Variants in SMIM35 observed in about 807,000 individuals in gnomAD.
SMIM35 encodes the protein TMPRSS4 antisense RNA 1 (non-protein coding).
At position 118,011,507 on chromosome 11, in the gene SMIM35, C is replaced by A. The variant is rs180991463; in HGVS notation, c.*33+2241G>T. Among the ~76,000 whole-genome samples the A allele has an allele frequency of 3.3e-5, 5 of 152,244 alleles. No homozygotes were observed. In the East Asian group the frequency reaches 9.7e-4, roughly 29 times the overall value. On this transcript the variant is annotated intron_variant, in intron 4 of 4. Transcript: ENST00000689828. ...AGGAGTTCGGGACCAGCCTGGCCAA[C>A]ATAGTGAAACCCCATCTGTACTAAA...
chr11:118,013,395 A>G (rs186412816), intron 4 of SMIM35, among the ~76,000 whole-genome samples: 1 of 152,360 alleles, frequency 6.6e-6, no homozygotes, highest in Admixed American at 6.5e-5. Flanking sequence ...CTGAAGTGCT[A>G]GAGTGATGCT....
chr11:118,081,689 G>T (rs1303785203), intron 1 of SMIM35, among the ~76,000 whole-genome samples: 5 of 152,256 alleles, frequency 3.3e-5, no homozygotes, highest in Non-Finnish European at 7.3e-5. Flanking sequence ...CGCTGGTGCG[G>T]TTGAGCCAAC....
At chr11:118,084,702 A>G (rs1945408977) in intron 1 of SMIM35, among the ~76,000 whole-genome samples, 3 of 152,132 alleles carry the variant, frequency 2.0e-5, no homozygotes, top group Non-Finnish European at 4.4e-5. Context: ...TCACTTACTA[A>G]ACTCCTCTAT....
intron 1 of SMIM35, among the ~76,000 whole-genome samples, chr11:118,071,311 C>G (rs944094651): frequency 4.6e-5 from 7 of 152,198 alleles, no homozygotes; most frequent in African/African-American, 1.7e-4. Flanking sequence ...TTTTCAATTG[C>G]CTCGATTCTT....
chr11:118,026,557 A>C (rs1213858862), intron 1 of SMIM35, among the ~76,000 whole-genome samples: 1 of 152,218 alleles, frequency 6.6e-6, no homozygotes, highest in African/African-American at 2.4e-5. Flanking sequence ...TTGCTTGATT[A>C]ATTAATATAT....
rs867335512 is a variant in SMIM35 at position 118,048,594 on chromosome 11, G to C, written c.8-32785C>G. 6.2e-5 allele frequency among the ~76,000 whole-genome samples: 8 copies of C among 130,006 alleles called. No homozygotes were observed. The South Asian group carries it at 1.0e-3, about 16-fold the overall frequency. The allele number at this position is 130,006 out of a possible 152,430, so 85.3% of individuals were successfully genotyped here. On this transcript the variant is annotated intron_variant, in intron 1 of 4. Coordinates refer to ENST00000689828, the MANE Select transcript of SMIM35 (RefSeq NM_001394165.1). ...GGAAGGAAGGAAGGAAGGAAGGAAG[G>C]AAGCAAGGAAGCAAGGAAGCAAGGA... is the stretch of plus-strand genomic sequence containing the variant.
chr11:118,023,902 G>T (rs1275593912), intron 1 of SMIM35, among the ~76,000 whole-genome samples: 2 of 152,032 alleles, frequency 1.3e-5, no homozygotes, highest in African/African-American at 4.8e-5. Context: ...AGGTGTGGTG[G>T]CGTGTGCCTG....
intron 1 of SMIM35, among the ~76,000 whole-genome samples, chr11:118,053,354 A>AC (rs59308703): frequency 2.8e-5 from 4 of 141,068 alleles, no homozygotes; most frequent in East Asian, 2.1e-4. Context: ...ACACACACAC[A>AC]AAGCTTACTA....
chr11:118,048,640 GAGAA>G lies in SMIM35; in HGVS notation c.8-32835_8-32832del, dbSNP rs1430780109. 6.0e-5 allele frequency among the ~76,000 whole-genome samples: 9 copies of G among 151,216 alleles called. No individual in the cohort carries two copies. The South Asian group carries it at 1.5e-3, about 25-fold the overall frequency. ...AAGGAAGGAGAGAGAGAGAGAAAGA[GAGAA>G]AGAAAGAAAGAAATTAAGTAAATAA... On this transcript the variant is annotated intron_variant, in intron 1 of 4. Transcript: ENST00000689828.
At chr11:118,052,942 C>A (rs1944242785) in intron 1 of SMIM35, among the ~76,000 whole-genome samples, 1 of 152,206 alleles carries the variant, frequency 6.6e-6, no homozygotes, top group Non-Finnish European at 1.5e-5. Context: ...TGTTGAAGGT[C>A]CACCTCCCAG....
intron 1 of SMIM35, among the ~76,000 whole-genome samples, chr11:118,061,272 A>G (rs1944391370): frequency 6.6e-6 from 1 of 152,234 alleles, no homozygotes; most frequent in Non-Finnish European, 1.5e-5. Flanking sequence ...ACCCAGCTTC[A>G]AACCCCAGTT....
chr11:118,085,155 C>G (rs1591345016), intron 1 of SMIM35, among the ~76,000 whole-genome samples: 1 of 152,108 alleles, frequency 6.6e-6, no homozygotes, highest in East Asian at 1.9e-4. Context: ...AAGAAGGAAA[C>G]TGGGTCCAGG....
At chr11:118,008,947 G>A (rs961816026) in intron 4 of SMIM35, among the ~76,000 whole-genome samples, 4 of 152,202 alleles carry the variant, frequency 2.6e-5, no homozygotes, top group Admixed American at 2.6e-4. Context: ...TGAATGCAAA[G>A]AAATAATCAA....
chr11:118,021,980 A>C (rs1041181053), intron 1 of SMIM35, among the ~76,000 whole-genome samples: 1 of 151,880 alleles, frequency 6.6e-6, no homozygotes, highest in Admixed American at 6.6e-5. Context: ...TCTCAAGTAT[A>C]TATGGAGCAT....
chr11:118,020,270 AACTG>A (rs1245943423), intron 1 of SMIM35, among the ~76,000 whole-genome samples: 10 of 152,302 alleles, frequency 6.6e-5, no homozygotes, highest in East Asian at 1.9e-4. Flanking sequence ...CATCATAACT[AACTG>A]ACTAAATAAA....
chr11:118,067,965 T>C (rs1359239650), intron 1 of SMIM35, among the ~76,000 whole-genome samples: 1 of 149,932 alleles, frequency 6.7e-6, no homozygotes, highest in Non-Finnish European at 1.5e-5. Flanking sequence ...TAGAAGTTTC[T>C]CTATTTTTTC....
chr11:118,064,521 A>G (rs1304807386), intron 1 of SMIM35, among the ~76,000 whole-genome samples: 1 of 152,134 alleles, frequency 6.6e-6, no homozygotes, highest in Non-Finnish European at 1.5e-5. Flanking sequence ...TGGGCTCAGG[A>G]TATCCTCTTC....
At position 118,004,751 on chromosome 11, in the gene SMIM35, A is replaced by T. The variant is rs2058113234; in HGVS notation, c.*1659T>A. On this transcript the variant is annotated 3_prime_UTR_variant, in exon 5 of 5. Coordinates refer to ENST00000689828, the MANE Select transcript of SMIM35 (RefSeq NM_001394165.1). ...AGGAAAAGCAGGCTGCCATCCCTTC[A>T]ACTCATCGAGTCACAGGAGCCACGG... 6.6e-6 allele frequency: 1 copy of T among 152,166 alleles called. No homozygotes were observed. Among genetic ancestry groups the T allele is most frequent in the South Asian group, 2.1e-4 (1 of 4,828 alleles). 9.4% of individuals were successfully genotyped at this position (152,166 alleles called of 1,614,324 possible).
At chr11:118,065,752 G>C (rs753397688) in intron 1 of SMIM35, among the ~76,000 whole-genome samples, 3 of 152,112 alleles carry the variant, frequency 2.0e-5, no homozygotes, top group Non-Finnish European at 4.4e-5. Context: ...TGAGCTTCTT[G>C]TTCAGCCCAC....
Sources: allele counts gnomAD v4.1 joint callset (sites outside exome capture counted in the v4.1 genomes callset), GRCh38; gene constraint gnomAD v4.1.1; transcripts MANE v1.5; gene names NCBI Gene and HGNC (gene_info 2026-07-23, HGNC 2026-07-21).